The following PPP1R12B variants were observed in gnomAD, a reference collection of about 807,000 sequenced individuals.
PPP1R12B encodes the protein protein phosphatase 1 regulatory subunit 12B.
PPP1R12B carries 76 observed loss-of-function variants against 126.1 expected under a neutral mutation model. The ratio of observed to expected loss-of-function variants is 0.60; its 90% CI spans 0.50 to 0.73. The LOEUF (loss-of-function observed/expected upper bound fraction) is 0.73. PPP1R12B is among the 30% of genes least tolerant of loss of function. The probability of loss-of-function intolerance (pLI) is 0.00; values close to 1 mark genes in which losing one functional copy is unlikely to be tolerated. For missense variants in PPP1R12B, 1,052 were observed against 1,205.1 expected (o/e 0.87, Z 1.88); for synonymous variants, 356 against 434.7 (o/e 0.82, Z 2.25).
intron 23 of PPP1R12B, among the ~76,000 whole-genome samples, chr1:202,569,755 A>G (rs1319592894): frequency 6.6e-6 from 1 of 152,190 alleles, no homozygotes; most frequent in Non-Finnish European, 1.5e-5. Context: ...CTCCCACTAG[A>G]ATAAGCTCAT....
At chr1:202,397,217 C>G (rs1665118508) in intron 1 of PPP1R12B, among the ~76,000 whole-genome samples, 1 of 152,204 alleles carries the variant, frequency 6.6e-6, no homozygotes, top group Non-Finnish European at 1.5e-5. Context: ...ATTTCAAGCT[C>G]AGGTCCTCCG....
chr1:202,379,357 G>A (rs895976883), intron 1 of PPP1R12B, among the ~76,000 whole-genome samples: 3 of 152,214 alleles, frequency 2.0e-5, no homozygotes, highest in African/African-American at 4.8e-5. Flanking sequence ...ATCCTCCAAA[G>A]AGCCTGATTC....
At chr1:202,575,441 C>T (rs967528117) in intron 23 of PPP1R12B, 6 of 338,832 alleles carry the variant, frequency 1.8e-5, no homozygotes, top group Non-Finnish European at 2.8e-5. Context: ...GTTCACTCAG[C>T]TACACATAGG....
chr1:202,349,886 T>C (rs1655628570), intron 1 of PPP1R12B, among the ~76,000 whole-genome samples: 1 of 152,168 alleles, frequency 6.6e-6, no homozygotes, highest in South Asian at 2.1e-4. Flanking sequence ...ACTATATGGA[T>C]TGTGGATAAT....
At chr1:202,514,024 T>A (rs183235197) in intron 18 of PPP1R12B, among the ~76,000 whole-genome samples, 22 of 152,352 alleles carry the variant, frequency 1.4e-4, no homozygotes, top group Middle Eastern at 3.4e-3. Context: ...GTATAAGCAT[T>A]TCCTTTTTTC....
chr1:202,475,353 T>C (rs1366481250), intron 13 of PPP1R12B, among the ~76,000 whole-genome samples: 1 of 152,218 alleles, frequency 6.6e-6, no homozygotes. Flanking sequence ...TTTCTAGAAA[T>C]GTAAAAATCA....
At chr1:202,502,464 A>G in intron 18 of PPP1R12B, 1 of 983,420 alleles carries the variant, frequency 1.0e-6, no homozygotes, top group Non-Finnish European at 1.2e-6. Flanking sequence ...TGCATTTTCC[A>G]TTTTGTCCTG....
At chr1:202,424,690 T>TG (rs1278626710) in intron 3 of PPP1R12B, among the ~76,000 whole-genome samples, 1 of 152,150 alleles carries the variant, frequency 6.6e-6, no homozygotes, top group Non-Finnish European at 1.5e-5. Context: ...TAAAACTTTT[T>TG]GAATGGGTAT....
intron 18 of PPP1R12B, among the ~76,000 whole-genome samples, chr1:202,507,860 C>A (rs371097673): frequency 6.6e-6 from 1 of 152,194 alleles, no homozygotes; most frequent in South Asian, 2.1e-4. Flanking sequence ...GGCTGGAGAG[C>A]CTTAACCATG....
Position 202,554,348 on chromosome 1 carries a change from C to T in PPP1R12B, c.2491-4529C>T, listed in dbSNP as rs556331912. Among the ~76,000 whole-genome samples the T allele has an allele frequency of 4.5e-3, 684 of 152,182 alleles. 1 individual carries two copies. Among genetic ancestry groups the T allele is most frequent in the Non-Finnish European group, 8.3e-3 (563 of 68,000 alleles). ...CATTTCTATTACAGCGAGAATAATT[C>T]ACCCTTAGAAGTCCAGTTTTCTTCC... On this transcript the variant is annotated intron_variant, in intron 18 of 23. Transcript: ENST00000608999.
In PPP1R12B at chr1:202,580,750, C is replaced by A. The variant is rs1010553480; in HGVS notation, c.*190C>A. The A allele has an allele frequency of 3.2e-5, 18 of 554,370 alleles. No homozygotes were observed. The highest frequency in any genetic ancestry group is 5.2e-5 in the Non-Finnish European group (16 of 306,044). 34.3% of individuals were successfully genotyped at this position (554,370 alleles called of 1,614,324 possible). ...ACTTTCAATGCCCTGTTCTTCCAAA[C>A]CCCTATCCCAAGTTTTATGACAGTT... is the stretch of plus-strand genomic sequence containing the variant. On this transcript the variant is annotated 3_prime_UTR_variant, in exon 24 of 24. Coordinates refer to ENST00000608999, the MANE Select transcript of PPP1R12B (RefSeq NM_002481.4).
At chr1:202,449,436 C>G (rs538683761) in intron 13 of PPP1R12B, among the ~76,000 whole-genome samples, 2 of 151,722 alleles carry the variant, frequency 1.3e-5, no homozygotes, top group Admixed American at 1.3e-4. Flanking sequence ...TCACCCCACC[C>G]GGCTAATTTT....
At chr1:202,437,306 C>T (rs1240532185) in intron 9 of PPP1R12B, among the ~76,000 whole-genome samples, 1 of 150,784 alleles carries the variant, frequency 6.6e-6, no homozygotes, top group Non-Finnish European at 1.5e-5. Context: ...ACTCCAGCCT[C>T]GGTGATAAGA....
At chr1:202,415,699 T>G (rs1667975185) in intron 1 of PPP1R12B, among the ~76,000 whole-genome samples, 3 of 152,218 alleles carry the variant, frequency 2.0e-5, no homozygotes, top group Admixed American at 2.0e-4. Context: ...TCAGAAAGCT[T>G]CTGCTTTCTC....
At chr1:202,539,009 A>C (rs138276788) in intron 18 of PPP1R12B, among the ~76,000 whole-genome samples, 99 of 152,320 alleles carry the variant, frequency 6.5e-4, no homozygotes, top group African/African-American at 2.4e-3. Flanking sequence ...ATGGACAGAT[A>C]ACTTTCTTTG....
chr1:202,500,078 T>A (rs1680032242), intron 18 of PPP1R12B, among the ~76,000 whole-genome samples: 1 of 152,168 alleles, frequency 6.6e-6, no homozygotes, highest in Non-Finnish European at 1.5e-5. Flanking sequence ...CCTCAAAAAC[T>A]AAAAATTGAA....
At chr1:202,515,861 T>C (rs1297546235) in intron 18 of PPP1R12B, among the ~76,000 whole-genome samples, 2 of 152,182 alleles carry the variant, frequency 1.3e-5, no homozygotes, top group Non-Finnish European at 2.9e-5. Flanking sequence ...GGCCTCGTAG[T>C]GTTGGTATAT....
intron 10 of PPP1R12B, chr1:202,439,027 C>T (rs1671239085): frequency 7.4e-7 from 1 of 1,357,412 alleles, no homozygotes; most frequent in Non-Finnish European, 1.1e-6. Context: ...GTGCCCACTA[C>T]CAGTGGGCGG....
chr1:202,548,051 A>G (rs1471261729), intron 18 of PPP1R12B, among the ~76,000 whole-genome samples: 1 of 152,374 alleles, frequency 6.6e-6, no homozygotes, highest in Middle Eastern at 3.4e-3. Flanking sequence ...CAAGTTTACT[A>G]TCTCATTTTA....
Sources: allele counts gnomAD v4.1 joint callset (sites outside exome capture counted in the v4.1 genomes callset), GRCh38; gene constraint gnomAD v4.1.1; transcripts MANE v1.5; gene names NCBI Gene and HGNC (gene_info 2026-07-23, HGNC 2026-07-21).